The following MAF variants were observed in gnomAD, a reference collection of about 807,000 sequenced individuals.
MAF encodes the protein MAF bZIP transcription factor.
Under a neutral mutation model 22.0 loss-of-function variants are expected in MAF, and 10 were observed. That is an observed-to-expected ratio of 0.45 (90% CI 0.28 to 0.77). The LOEUF is 0.77. MAF is among the 30% of genes least tolerant of loss of function. The probability of loss-of-function intolerance (pLI) is 0.12; values close to 1 mark genes in which losing one functional copy is unlikely to be tolerated. For synonymous variants in MAF, 337 were observed against 255.8 expected, an observed-to-expected ratio of 1.32 and a Z score of -3.03; for missense variants, 544 against 548.4, an observed-to-expected ratio of 0.99 and a Z score of 0.08.
chr16:79,564,108 G>T, the MAF span, among the ~76,000 whole-genome samples: 4 of 152,248 alleles, frequency 2.6e-5, no homozygotes, highest in African/African-American at 7.2e-5. Flanking sequence ...CATGGCCACT[G>T]CCGCCCCTTC....
At chr16:79,372,819 C>T in the MAF span, among the ~76,000 whole-genome samples, 1 of 152,202 alleles carries the variant, frequency 6.6e-6, no homozygotes, top group African/African-American at 2.4e-5. Flanking sequence ...ACCCTCTCAG[C>T]TCCAGACCCA....
chr16:79,337,977 T>A, the MAF span, among the ~76,000 whole-genome samples: 1 of 152,176 alleles, frequency 6.6e-6, no homozygotes. Context: ...TCAGATTGAA[T>A]GGGCACCAGC....
the MAF span, among the ~76,000 whole-genome samples, chr16:79,353,973 G>T: frequency 6.6e-6 from 1 of 152,058 alleles, no homozygotes; most frequent in African/African-American, 2.4e-5. Context: ...GTGGGGTAGA[G>T]ACACATAAGC....
the MAF span, among the ~76,000 whole-genome samples, chr16:79,406,572 C>G: frequency 1.3e-5 from 2 of 152,168 alleles, no homozygotes; most frequent in Admixed American, 6.5e-5. Flanking sequence ...AGATCCCAAA[C>G]ATGAAAGTTC....
At chr16:79,540,742 A>G in the MAF span, among the ~76,000 whole-genome samples, 1 of 152,222 alleles carries the variant, frequency 6.6e-6, no homozygotes, top group Non-Finnish European at 1.5e-5. Flanking sequence ...TAAACAATTC[A>G]GTATCCAAAT....
chr16:79,442,327 A>G, the MAF span, among the ~76,000 whole-genome samples: 4 of 152,310 alleles, frequency 2.6e-5, no homozygotes, highest in South Asian at 2.1e-4. Context: ...GAAGAGCAAC[A>G]TAAAGAGCTG....
chr16:79,267,709 A>G, the MAF span, among the ~76,000 whole-genome samples: 1 of 152,198 alleles, frequency 6.6e-6, no homozygotes, highest in African/African-American at 2.4e-5. Context: ...AAATGAGATT[A>G]AGATGAACAC....
the MAF span, among the ~76,000 whole-genome samples, chr16:79,326,678 G>A: frequency 2.6e-5 from 4 of 152,302 alleles, no homozygotes; most frequent in African/African-American, 9.6e-5. Context: ...AGTTCCAGCA[G>A]GAAAGCAGCC....
At chr16:79,544,277 AG>A in the MAF span, among the ~76,000 whole-genome samples, 21 of 152,188 alleles carry the variant, frequency 1.4e-4, no homozygotes, top group African/African-American at 5.1e-4. Context: ...CTAAGCCTTC[AG>A]TTCCTGACAC....
At chr16:79,207,106 T>C in the MAF span, among the ~76,000 whole-genome samples, 29 of 152,304 alleles carry the variant, frequency 1.9e-4, 1 homozygote, top group Admixed American at 1.5e-3. Context: ...AGACAGGGCG[T>C]GTAGACGGCC....
the MAF span, among the ~76,000 whole-genome samples, chr16:79,379,707 C>T: frequency 6.6e-6 from 1 of 152,118 alleles, no homozygotes; most frequent in Non-Finnish European, 1.5e-5. Flanking sequence ...CTTTCTGCTC[C>T]ACTTTTTGAG....
At chr16:79,430,268 G>A in the MAF span, among the ~76,000 whole-genome samples, 23 of 152,334 alleles carry the variant, frequency 1.5e-4, no homozygotes, top group African/African-American at 4.8e-4. Context: ...TATTGAGCAC[G>A]TAGAGCCTGC....
At chr16:79,326,163 G>A in the MAF span, among the ~76,000 whole-genome samples, 1 of 152,140 alleles carries the variant, frequency 6.6e-6, no homozygotes, top group African/African-American at 2.4e-5. Flanking sequence ...TTTATAGACT[G>A]AAGATTTTCT....
At chr16:79,529,648 G>A in the MAF span, among the ~76,000 whole-genome samples, 15 of 152,228 alleles carry the variant, frequency 9.9e-5, no homozygotes, top group South Asian at 2.1e-4. Flanking sequence ...TTGGAAGTAT[G>A]GATACAAAGC....
chr16:79,413,352 C>A, the MAF span, among the ~76,000 whole-genome samples: 1 of 146,780 alleles, frequency 6.8e-6, no homozygotes, highest in African/African-American at 2.5e-5. Context: ...ACGCCATTCT[C>A]CTGCCTCAGC....
the MAF span, among the ~76,000 whole-genome samples, chr16:79,250,531 G>C: frequency 6.6e-6 from 1 of 152,188 alleles, no homozygotes; most frequent in Non-Finnish European, 1.5e-5. Flanking sequence ...CCATTATATG[G>C]AGGGACTACA....
chr16:79,225,698 C>T, the MAF span, among the ~76,000 whole-genome samples: 4 of 152,166 alleles, frequency 2.6e-5, no homozygotes, highest in East Asian at 7.7e-4. Context: ...ACCACACAAC[C>T]CCATCAAAAA....
chr16:79,433,087 G>A, the MAF span, among the ~76,000 whole-genome samples: 3 of 152,014 alleles, frequency 2.0e-5, no homozygotes, highest in African/African-American at 2.4e-5. Context: ...CAAATCTGGG[G>A]CTCAGCAAAG....
chr16:79,543,832 G>T, the MAF span, among the ~76,000 whole-genome samples: 4 of 151,936 alleles, frequency 2.6e-5, no homozygotes, highest in African/African-American at 9.7e-5. Flanking sequence ...GACTACAGGC[G>T]CCTACCACCG....
Sources: gnomAD v4.1 joint callset for allele counts (sites outside exome capture counted in the v4.1 genomes callset) on GRCh38, gnomAD v4.1.1 for gene constraint, MANE v1.5 for transcripts, NCBI Gene and HGNC (gene_info 2026-07-23, HGNC 2026-07-21) for gene names.